The following ARID1B variants were observed in gnomAD, a reference collection of about 807,000 sequenced individuals.
The protein encoded by ARID1B is AT-rich interactive domain-containing protein 1B.
In ARID1B, 30 loss-of-function variants were observed where a neutral mutation model predicts 212.3. The ratio of observed to expected loss-of-function variants is 0.14; its 90% CI spans 0.11 to 0.19. ARID1B has a LOEUF of 0.19. Ranked by LOEUF, ARID1B falls within the 10% of genes least tolerant of loss-of-function variation. The probability of loss-of-function intolerance (pLI) is 1.00; values close to 1 mark genes in which losing one functional copy is unlikely to be tolerated. For missense variants in ARID1B, 2,891 were observed against 3,204.0 expected (o/e 0.90, Z 2.36); for synonymous variants, 1,402 against 1,301.7 (o/e 1.08, Z -1.66).
rs1182571456 is a variant in ARID1B, at chr6:157,148,970, C to T, written c.3089+19C>T. ...AAAGCAGGTACGCCACCCAGGAGCA[C>T]GCCCCGGGCAGGTACGCTGTGTGTC... is the stretch of plus-strand genomic sequence containing the variant. On this transcript the variant is annotated intron_variant, in intron 8 of 19. Coordinates refer to ENST00000636930, the MANE Select transcript of ARID1B (RefSeq NM_001374828.1). The surrounding 1 kb of genome is among the most constrained non-coding windows in gnomAD (Gnocchi z 5.6). The T allele has an allele frequency of 4.4e-6, 7 of 1,600,352 alleles. No individual in the cohort carries two copies. Among genetic ancestry groups the T allele is most frequent in the East Asian group, 4.5e-5 (2 of 44,534 alleles).
intron 1 of ARID1B, among the ~76,000 whole-genome samples, chr6:156,783,616 G>A (rs945002897): frequency 6.6e-6 from 1 of 152,142 alleles, no homozygotes; most frequent in African/African-American, 2.4e-5. Context: ...CAGGCAAACC[G>A]AAAAGATGAT....
intron 4 of ARID1B, among the ~76,000 whole-genome samples, chr6:157,018,756 A>G (rs1583156105): frequency 6.6e-6 from 1 of 152,222 alleles, no homozygotes; most frequent in East Asian, 1.9e-4. Context: ...GGGAAAATAT[A>G]CATAAATTCA....
At chr6:157,151,311 A>G (rs1790183125) in intron 8 of ARID1B, 1 of 152,108 alleles carries the variant, frequency 6.6e-6, no homozygotes, top group Non-Finnish European at 1.5e-5. Flanking sequence ...CCCACCCCCA[A>G]ATTAAGAGCA....
intron 6 of ARID1B, chr6:157,111,282 A>G (rs74468246): frequency 0.055 from 8,356 of 151,904 alleles, 351 homozygotes; most frequent in Non-Finnish European, 0.086. Flanking sequence ...GCCCACCCAT[A>G]TTTACCTCTG....
At chr6:156,813,647 T>A (rs1441474449) in intron 1 of ARID1B, among the ~76,000 whole-genome samples, 1 of 152,214 alleles carries the variant, frequency 6.6e-6, no homozygotes, top group African/African-American at 2.4e-5. Flanking sequence ...ATGATTCTTT[T>A]TAAATGACAG....
intron 4 of ARID1B, among the ~76,000 whole-genome samples, chr6:157,020,968 A>T (rs1028372524): frequency 2.0e-5 from 3 of 152,252 alleles, no homozygotes; most frequent in Admixed American, 6.5e-5. Flanking sequence ...TAAAGAAATG[A>T]GAAATTCGGG....
intron 1 of ARID1B, among the ~76,000 whole-genome samples, chr6:156,817,846 T>G (rs968420868): frequency 6.6e-6 from 1 of 152,174 alleles, no homozygotes; most frequent in African/African-American, 2.4e-5. Flanking sequence ...GAATCATTTT[T>G]GAGAGTAGGT....
chr6:157,198,489 C>T (rs1490106385), intron 16 of ARID1B: 2 of 302,070 alleles, frequency 6.6e-6, no homozygotes, highest in East Asian at 5.6e-5. Flanking sequence ...AGTGGACAGG[C>T]GGGGCTGCGG....
At chr6:157,149,089 G>T in intron 8 of ARID1B, 138 bp downstream of exon 8, 1 of 859,512 alleles carries the variant, frequency 1.2e-6, no homozygotes, top group South Asian at 1.7e-5. Context: ...TTCTTTTTGT[G>T]TTAAATATAT....
chr6:156,899,180 T>C (rs926446307), intron 2 of ARID1B, among the ~76,000 whole-genome samples: 8 of 152,198 alleles, frequency 5.3e-5, no homozygotes, highest in African/African-American at 1.7e-4. Context: ...CAGTCCTGTT[T>C]GACAGTTGGA....
intron 4 of ARID1B, among the ~76,000 whole-genome samples, chr6:156,961,529 A>C (rs1412873356): frequency 6.6e-6 from 1 of 151,686 alleles, no homozygotes; most frequent in Non-Finnish European, 1.5e-5. Context: ...CAGGACAGTC[A>C]GGTGAGCACA....
intron 2 of ARID1B, among the ~76,000 whole-genome samples, chr6:156,864,607 A>G (rs189989203): frequency 3.4e-3 from 515 of 152,324 alleles, no homozygotes; most frequent in African/African-American, 0.012. Context: ...ACGTCCCCAG[A>G]GGCGTCCACT....
intron 2 of ARID1B, among the ~76,000 whole-genome samples, chr6:156,893,947 C>T (rs1582891485): frequency 6.6e-6 from 1 of 152,050 alleles, no homozygotes; most frequent in Admixed American, 6.5e-5. Context: ...GGAATGTACC[C>T]CAAGACGTAA....
At position 156,779,118 on chromosome 6, in the gene ARID1B, TCGGCGGCGGGGGGCTTC is replaced by T; in HGVS notation, c.1440_1456del (p.Ala482LeufsTer130). 8.1e-7 allele frequency: 1 copy of T among 1,231,608 alleles called. No individual in the cohort carries two copies. 76.3% of individuals were successfully genotyped at this position (1,231,608 alleles called of 1,614,324 possible). A position where few individuals can be genotyped will look rare whatever the true frequency, so the allele number is the denominator to read the frequency against. On this transcript the variant is annotated frameshift_variant, in exon 1 of 20. Transcript: ENST00000636930. LOFTEE classifies it high-confidence loss of function. Reference sequence around the variant, plus strand: ...GAGCCTCAGCAAGGCGGCCGCCGGCTCGGCGGCGGGGGGCTTCCAGCGCTTCGCCGGCCAGAACCAGC... The same window carrying T: ...GAGCCTCAGCAAGGCGGCCGCCGGCTCAGCGCTTCGCCGGCCAGAACCAGC...
At chr6:156,917,069 C>G (rs1790416784) in intron 3 of ARID1B, among the ~76,000 whole-genome samples, 1 of 152,108 alleles carries the variant, frequency 6.6e-6, no homozygotes, top group South Asian at 2.1e-4. Context: ...GCCCTCATAG[C>G]CAGAAAAACC....
intron 4 of ARID1B, among the ~76,000 whole-genome samples, chr6:157,051,988 G>T (rs1782636250): frequency 6.6e-6 from 1 of 152,066 alleles, no homozygotes; most frequent in South Asian, 2.1e-4. Context: ...TAATTAATAG[G>T]TAATTATTTT....
intron 4 of ARID1B, among the ~76,000 whole-genome samples, chr6:157,038,909 C>G: frequency 6.8e-6 from 1 of 146,962 alleles, no homozygotes; most frequent in Admixed American, 6.8e-5. Context: ...GTAGCCTTAA[C>G]TTTTTTTTTT....
At position 156,778,276 on chromosome 6, in the gene ARID1B, A is replaced by C. The variant is rs1295182750; in HGVS notation, c.596A>C (p.Gln199Pro). 1 of 1,540,488 alleles carries C rather than the reference A, an allele frequency of 6.5e-7. No individual in the cohort carries two copies. The highest frequency in any genetic ancestry group is 8.7e-7 in the Non-Finnish European group (1 of 1,144,416). The change falls in exon 1 of 20, where the codon CAG becomes CCG. Residue 199 changes from glutamine to proline, a missense_variant. By Grantham distance (76) the Gln-to-Pro change is moderately conservative (BLOSUM62 -1). This residue lies in a region of ARID1B where 1,643 missense variants were observed against 1,544.0 expected (regional missense o/e 1.06). Transcript: ENST00000636930. ...LQQQLNQFQQ[Q>P]QQQQQQQQQQ... ...CAGCAGCTAAACCAGTTCCAGCAGC[A>C]GCAGCAGCAGCAGCAACAGCAGCAG...
At chr6:157,133,262 A>G in intron 7 of ARID1B, 55 bp downstream of exon 7, 2 of 1,499,748 alleles carry the variant, frequency 1.3e-6, no homozygotes, top group South Asian at 1.4e-5. Flanking sequence ...AATTTTCTTA[A>G]TGTGCTAGTC....
Sources: gnomAD v4.1 joint callset for allele counts (sites outside exome capture counted in the v4.1 genomes callset) on GRCh38, gnomAD v4.1.1 for gene constraint, gnomAD v4.1.1 regional missense constraint, Gnocchi (gnomAD v3.1) non-coding constraint, MANE v1.5 for transcripts, NCBI Gene and HGNC (gene_info 2026-07-23, HGNC 2026-07-21) for gene names.